The following DBH variants were observed in gnomAD, a reference collection of about 807,000 sequenced individuals.
DBH encodes dopamine beta-hydroxylase, also known as dopamine beta-hydroxylase (dopamine beta-monooxygenase).
In DBH, 49 loss-of-function variants were observed where a neutral mutation model predicts 64.0. The ratio of observed to expected loss-of-function variants is 0.77; its 90% CI spans 0.61 to 0.97. The LOEUF (loss-of-function observed/expected upper bound fraction) is 0.97, where lower values mean the gene tolerates loss of function less well. DBH is among the 50% of genes least tolerant of loss of function. The pLI is 0.00. For synonymous variants in DBH, 343 were observed against 347.1 expected, an observed-to-expected ratio of 0.99 and a Z score of 0.13; for missense variants, 828 against 826.6, an observed-to-expected ratio of 1.00 and a Z score of -0.02.
In DBH at chr9:133,656,554, T is replaced by C. The variant is rs1379585319; in HGVS notation, c.1466T>C (p.Val489Ala). 1.2e-6 allele frequency: 2 copies of C among 1,613,822 alleles called. No individual in the cohort carries two copies. The highest frequency in any genetic ancestry group is 8.5e-7 in the Non-Finnish European group (1 of 1,180,010). Reference sequence around the variant, plus strand: ...TTCGGGATCCTGGAGGAGATGTGTGTCAACTACGTGCACTACTACCCCCAG... The same window carrying C: ...TTCGGGATCCTGGAGGAGATGTGTGCCAACTACGTGCACTACTACCCCCAG... ...GGFGILEEMC[V>A]NYVHYYPQTQ... is the part of the protein sequence containing the mutation. The change falls in exon 10 of 12, where the codon GTC becomes GCC. Residue 489 changes from valine (V) to alanine (A), a missense_variant. By Grantham distance (64) the Val-to-Ala change is moderately conservative. Coordinates refer to ENST00000393056, the MANE Select transcript of DBH (RefSeq NM_000787.4).
intron 6 of DBH, among the ~76,000 whole-genome samples, chr9:133,651,081 T>C (rs981766339): frequency 1.3e-5 from 2 of 152,220 alleles, no homozygotes; most frequent in African/African-American, 4.8e-5. Flanking sequence ...CTCCCAGCTG[T>C]AGCACGGGGT....
Position 133,647,905 on chromosome 9 carries a change from G to A in DBH, c.1084G>A (p.Ala362Thr), listed in dbSNP as rs368994366. 4.1e-5 allele frequency: 66 copies of A among 1,614,076 alleles called. No individual in the cohort carries two copies. Among genetic ancestry groups the A allele is most frequent in the East Asian group, 1.3e-4 (6 of 44,892 alleles). The change falls in exon 6 of 12, where the codon GCG becomes ACG. Residue 362 changes from alanine (A) to threonine (T), a missense_variant. Coordinates refer to ENST00000393056, the MANE Select transcript of DBH (RefSeq NM_000787.4). ...CACAGCCAAGCTGCGGCGCTTCAAC[G>A]CGGGGATCATGGAGCTGGGACTGGT... ...YYTAKLRRFN[A>T]GIMELGLVYT...
chr9:133,641,274 G>A (rs1021208048), intron 2 of DBH, among the ~76,000 whole-genome samples: 2 of 152,232 alleles, frequency 1.3e-5, no homozygotes, highest in Non-Finnish European at 2.9e-5. Flanking sequence ...GGGGTTCGGG[G>A]TGTGCTGGGG....
At chr9:133,650,767 C>G (rs1456005727) in intron 6 of DBH, among the ~76,000 whole-genome samples, 1 of 152,094 alleles carries the variant, frequency 6.6e-6, no homozygotes, top group East Asian at 1.9e-4. Flanking sequence ...AGACTATTCT[C>G]AAACTCCTTA....
intron 6 of DBH, among the ~76,000 whole-genome samples, chr9:133,648,817 C>A (rs981077070): frequency 1.3e-5 from 2 of 152,234 alleles, no homozygotes; most frequent in Non-Finnish European, 2.9e-5. Context: ...GAACTGTCTC[C>A]CTATCAATCA....
chr9:133,644,230 C>T lies in DBH; in HGVS notation c.934C>T (p.Pro312Ser). The T allele has an allele frequency of 6.2e-7, 1 of 1,614,074 alleles. No homozygotes were observed. The highest frequency in any genetic ancestry group is 8.5e-7 in the Non-Finnish European group (1 of 1,179,898). The change falls in exon 5 of 12, where the codon CCA (proline) becomes TCA (serine). Residue 312 changes from proline (P) to serine (S), a missense_variant. Coordinates refer to ENST00000393056, the MANE Select transcript of DBH (RefSeq NM_000787.4). ...TTGCCCCACACAGGCATTTTACTAC[C>T]CAGAGGAAGCCGGCCTTGCCTTCGG... ...WALGAKAFYY[P>S]EEAGLAFGGP...
chr9:133,648,761 T>G (rs1376513677), intron 6 of DBH, among the ~76,000 whole-genome samples: 3 of 152,232 alleles, frequency 2.0e-5, no homozygotes, highest in Non-Finnish European at 4.4e-5. Flanking sequence ...GAGTGACTAC[T>G]AAAATCTCCT....
In DBH at chr9:133,651,625, A is replaced by C. The variant is rs1588352369; in HGVS notation, c.1192-9A>C. 1 of 1,612,850 alleles carries C rather than the reference A, an allele frequency of 6.2e-7. No individual in the cohort carries two copies. The highest frequency in any genetic ancestry group is 8.5e-7 in the Non-Finnish European group (1 of 1,179,888). On this transcript the variant is annotated splice_polypyrimidine_tract_variant and intron_variant, in intron 6 of 11. Transcript: ENST00000393056. ...CAGGCCCTGACACTGCAGCCCCCCGACCCCACAGGCACTGCCTCCCTCCGG... is the reference window on the plus strand; with the variant it reads ...CAGGCCCTGACACTGCAGCCCCCCGCCCCCACAGGCACTGCCTCCCTCCGG...
chr9:133,658,699 C>CCGGCTGACTCAGTG lies in DBH; in HGVS notation c.*254_*267dup. 2.6e-6 allele frequency: 1 copy of CCGGCTGACTCAGTG among 390,522 alleles called. No homozygotes were observed. The highest frequency in any genetic ancestry group is 6.3e-5 in the South Asian group (1 of 15,820). 24.2% of individuals were successfully genotyped at this position (390,522 alleles called of 1,614,324 possible). A position where few individuals can be genotyped will look rare whatever the true frequency, so the allele number is the denominator to read the frequency against. On this transcript the variant is annotated 3_prime_UTR_variant, in exon 12 of 12. Transcript: ENST00000393056. ...GGACCACGACCTCGTCCATTTAAAC[C>CCGGCTGACTCAGTG]CGGCTGACTCAGTGCAGGGACAGCC...
intron 9 of DBH, among the ~76,000 whole-genome samples, chr9:133,653,258 C>T (rs1287971351): frequency 1.3e-5 from 2 of 152,134 alleles, no homozygotes; most frequent in Non-Finnish European, 2.9e-5. Flanking sequence ...TTTTAACAAG[C>T]TCCCAGCGGA....
At chr9:133,651,575 T>C (rs1832248295) in intron 6 of DBH, 59 bp from the exon 7 acceptor site, 5 of 1,608,404 alleles carry the variant, frequency 3.1e-6, no homozygotes, top group South Asian at 1.1e-5. Context: ...GTCCTGGCCA[T>C]GGACGGGAGG....
chr9:133,644,335 T>C lies in DBH; in HGVS notation c.1024+15T>C. On this transcript the variant is annotated intron_variant, in intron 5 of 11. Coordinates refer to ENST00000393056, the MANE Select transcript of DBH (RefSeq NM_000787.4). ...GGTGATAGAAGGTAGGCGGCTCTGC[T>C]GCCATCCTCCTCAGAAGCCCTAGGA... 1.9e-6 allele frequency: 3 copies of C among 1,597,236 alleles called. No individual in the cohort carries two copies. The highest frequency in any genetic ancestry group is 2.6e-6 in the Non-Finnish European group (3 of 1,164,764).
intron 1 of DBH, among the ~76,000 whole-genome samples, chr9:133,638,070 C>A (rs534856455): frequency 2.0e-5 from 3 of 152,248 alleles, no homozygotes; most frequent in African/African-American, 7.2e-5. Context: ...CAGCGTCCCC[C>A]CTGCCTGCAT....
At chr9:133,651,559 T>C (rs1314531010) in intron 6 of DBH, 75 bp from the exon 7 acceptor site, 1 of 1,592,572 alleles carries the variant, frequency 6.3e-7, no homozygotes, top group Non-Finnish European at 8.6e-7. Context: ...GGCTGCTCCC[T>C]ACCGGGTCCT....
intron 3 of DBH, 141 bp downstream of exon 3, chr9:133,642,605 G>A (rs979816706): frequency 6.8e-6 from 7 of 1,022,928 alleles, no homozygotes; most frequent in Non-Finnish European, 8.8e-6. Context: ...GCACCTGCCT[G>A]AGCAGGGGAG....
chr9:133,657,742 T>A (rs1239290283), intron 11 of DBH, among the ~76,000 whole-genome samples: 1 of 152,002 alleles, frequency 6.6e-6, no homozygotes, highest in African/African-American at 2.4e-5. Context: ...TTCGAAGGCA[T>A]CTAATTTATC....
chr9:133,646,705 G>T (rs1467566871), intron 5 of DBH, among the ~76,000 whole-genome samples: 2 of 151,794 alleles, frequency 1.3e-5, no homozygotes, highest in Non-Finnish European at 2.9e-5. Flanking sequence ...TGTATTTTTA[G>T]TAGAGACAGG....
At chr9:133,645,276 C>G (rs1332206329) in intron 5 of DBH, among the ~76,000 whole-genome samples, 3 of 151,610 alleles carry the variant, frequency 2.0e-5, no homozygotes, top group Admixed American at 1.3e-4. Flanking sequence ...TAAGTAATAC[C>G]TTCCGCCACT....
chr9:133,656,436 A>G, intron 9 of DBH, 87 bp from the exon 10 acceptor site: 1 of 1,570,750 alleles, frequency 6.4e-7, no homozygotes, highest in African/African-American at 1.3e-5. Context: ...GAGTGGACGC[A>G]GTGTACACGT....
Sources: gnomAD v4.1 joint callset for allele counts (sites outside exome capture counted in the v4.1 genomes callset) on GRCh38, gnomAD v4.1.1 for gene constraint, MANE v1.5 for transcripts, NCBI Gene and HGNC (gene_info 2026-07-23, HGNC 2026-07-21) for gene names.